UAP1: variants seen among roughly 807,000 people sequenced by gnomAD.
The protein encoded by UAP1 is UDP-N-acetylglucosamine pyrophosphorylase 1.
A neutral mutation model predicts 58.5 loss-of-function variants in UAP1; 25 were observed. The observed-to-expected ratio is 0.43, with a 90% confidence interval of 0.31 to 0.60. The LOEUF is 0.60. Ranked by LOEUF, UAP1 falls within the 20% of genes least tolerant of loss-of-function variation. The pLI is 0.11. For missense variants in UAP1, 575 were observed against 630.0 expected, an observed-to-expected ratio of 0.91 and a Z score of 0.93; for synonymous variants, 208 against 213.0, an observed-to-expected ratio of 0.98 and a Z score of 0.21.
Position 162,578,232 on chromosome 1 carries a change from G to A in UAP1, c.486-1196G>A, listed in dbSNP as rs559777022. ...CATGTGATCAACAAAAGCTCTACTA[G>A]TTTCTGTCCCCGAGCAGCAGCCTTT... On this transcript the variant is annotated intron_variant, in intron 3 of 10. Coordinates refer to ENST00000271469, the Ensembl canonical transcript of UAP1. 3.3e-5 allele frequency among the ~76,000 whole-genome samples: 5 copies of A among 152,180 alleles called. No individual in the cohort carries two copies. The South Asian group carries it at 1.0e-3, about 32-fold the overall frequency.
intron 9 of UAP1, among the ~76,000 whole-genome samples, chr1:162,595,849 A>G (rs1289814934): frequency 6.6e-6 from 1 of 151,948 alleles, no homozygotes; most frequent in South Asian, 2.1e-4. Flanking sequence ...TTTTTTATTT[A>G]TTATTGTTAT....
chr1:162,564,852 A>G lies in UAP1; in HGVS notation c.-57-1160A>G, dbSNP rs543148152. 2.6e-5 allele frequency among the ~76,000 whole-genome samples: 4 copies of G among 152,174 alleles called. No homozygotes were observed. The South Asian group carries it at 8.3e-4, about 32-fold the overall frequency. Reference sequence around the variant, plus strand: ...TCCATCCCACACGTGCTTGCTCATCATGGCCACCAGGCTCTGCTTGTTTCC... The same window carrying G: ...TCCATCCCACACGTGCTTGCTCATCGTGGCCACCAGGCTCTGCTTGTTTCC... On this transcript the variant is annotated intron_variant, in intron 1 of 10. Coordinates refer to ENST00000271469, the Ensembl canonical transcript of UAP1.
At position 162,575,158 on chromosome 1, in the gene UAP1, TC is replaced by T. The variant is rs546333057; in HGVS notation, c.281-1616del. On this transcript the variant is annotated intron_variant, in intron 2 of 10. Coordinates refer to ENST00000271469, the Ensembl canonical transcript of UAP1. ...ATCTCAGCTCACTGCAGCCTCCGTC[TC>T]CCAGGTTCAAGTGATTCTCCTGCCT... Among the ~76,000 whole-genome samples the T allele has an allele frequency of 3.9e-5, 6 of 152,178 alleles. No homozygotes were observed. In the South Asian group the frequency reaches 1.2e-3, roughly 32 times the overall value.
intron 9 of UAP1, among the ~76,000 whole-genome samples, chr1:162,596,216 C>A (rs923718278): frequency 3.3e-5 from 5 of 151,770 alleles, no homozygotes; most frequent in Non-Finnish European, 5.9e-5. Context: ...CGCTCTGTCA[C>A]CCCGGCTAGA....
intron 1 of UAP1, chr1:162,562,655 C>G (rs1653227383): frequency 6.6e-6 from 1 of 152,148 alleles, no homozygotes; most frequent in Admixed American, 6.5e-5. Context: ...AGGTGAAATT[C>G]ACTGGGTGTG....
At chr1:162,562,146 G>T (rs1653184108) in intron 1 of UAP1, among the ~76,000 whole-genome samples, 1 of 151,560 alleles carries the variant, frequency 6.6e-6, no homozygotes, top group African/African-American at 2.4e-5. Context: ...TGTGGGGTTG[G>T]GAGTGGGGCC....
chr1:162,597,993 T>C (rs1017862984), intron 10 of UAP1, 135 bp downstream of exon 10: 4 of 715,664 alleles, frequency 5.6e-6, no homozygotes, highest in Non-Finnish European at 9.2e-6. Context: ...TTAATTGGCT[T>C]TATTTGATTA....
intron 9 of UAP1, among the ~76,000 whole-genome samples, chr1:162,595,389 G>A (rs1184718908): frequency 2.0e-5 from 3 of 152,066 alleles, no homozygotes; most frequent in Non-Finnish European, 4.4e-5. Context: ...ATCTTAATGG[G>A]GTGGGCCCTC....
At chr1:162,563,823 A>G (rs903611687) in intron 1 of UAP1, among the ~76,000 whole-genome samples, 3 of 152,214 alleles carry the variant, frequency 2.0e-5, no homozygotes, top group African/African-American at 7.2e-5. Context: ...ACTCTTGACT[A>G]TCTTGAAGGC....
intron 1 of UAP1, among the ~76,000 whole-genome samples, chr1:162,564,660 C>A (rs1653376884): frequency 6.6e-6 from 1 of 152,202 alleles, no homozygotes; most frequent in African/African-American, 2.4e-5. Flanking sequence ...TTTCTCTCAT[C>A]TCTTTAAAGC....
At chr1:162,597,576 T>C in intron 9 of UAP1, 1 of 511,292 alleles carries the variant, frequency 2.0e-6, no homozygotes, top group South Asian at 3.0e-5. Flanking sequence ...CCAGTAATTA[T>C]TGGCACTTGC....
At chr1:162,563,216 C>T (rs1440972536) in intron 1 of UAP1, among the ~76,000 whole-genome samples, 1 of 152,092 alleles carries the variant, frequency 6.6e-6, no homozygotes, top group African/African-American at 2.4e-5. Context: ...TTATATCTGC[C>T]TCAAATAAAT....
At chr1:162,575,540 T>G (rs1654124435) in intron 2 of UAP1, among the ~76,000 whole-genome samples, 1 of 151,366 alleles carries the variant, frequency 6.6e-6, no homozygotes, top group Non-Finnish European at 1.5e-5. Flanking sequence ...CAAGCAATTC[T>G]CATGCCTCAG....
chr1:162,591,180 C>T (rs1655287170), intron 8 of UAP1, among the ~76,000 whole-genome samples: 1 of 152,126 alleles, frequency 6.6e-6, no homozygotes. Flanking sequence ...CCGCCTTGGC[C>T]TCCCAAAATG....
At chr1:162,577,435 C>CTTTTTTT (rs67627704) in intron 3 of UAP1, among the ~76,000 whole-genome samples, 15 of 95,238 alleles carry the variant, frequency 1.6e-4, no homozygotes, top group African/African-American at 4.8e-4. Flanking sequence ...AGTTCCTTCC[C>CTTTTTTT]TTTTTTTTTT....
intron 7 of UAP1, among the ~76,000 whole-genome samples, chr1:162,589,723 C>T (rs1655183876): frequency 6.6e-6 from 1 of 152,082 alleles, no homozygotes; most frequent in Non-Finnish European, 1.5e-5. Context: ...GTAATTCCAG[C>T]AGTTTGGGAG....
At chr1:162,591,301 A>C (rs1487419188) in intron 8 of UAP1, among the ~76,000 whole-genome samples, 1 of 152,160 alleles carries the variant, frequency 6.6e-6, no homozygotes, top group African/African-American at 2.4e-5. Flanking sequence ...TACAAATTGT[A>C]GTCCAATGGC....
At chr1:162,589,188 T>TAAA (rs1450935020) in intron 7 of UAP1, among the ~76,000 whole-genome samples, 38 of 68,360 alleles carry the variant, frequency 5.6e-4, no homozygotes, top group African/African-American at 1.8e-3. Flanking sequence ...ATATATAATA[T>TAAA]ATATTATATA....
chr1:162,597,086 A>G (rs1252746305), intron 9 of UAP1, among the ~76,000 whole-genome samples: 1 of 152,204 alleles, frequency 6.6e-6, no homozygotes, highest in Non-Finnish European at 1.5e-5. Flanking sequence ...AAATTAGCTC[A>G]GCTAATCTAG....
Sources: allele counts gnomAD v4.1 joint callset (sites outside exome capture counted in the v4.1 genomes callset), GRCh38; gene constraint gnomAD v4.1.1; transcripts MANE v1.5; gene names NCBI Gene and HGNC (gene_info 2026-07-23, HGNC 2026-07-21).